SPOCK1: variants seen among roughly 807,000 people sequenced by gnomAD.
SPOCK1 encodes SPARC (osteonectin), cwcv and kazal like domains proteoglycan 1.
Under a neutral mutation model 55.3 loss-of-function variants are expected in SPOCK1, and 23 were observed. That is an observed-to-expected ratio of 0.42 (90% CI 0.30 to 0.59). The LOEUF is 0.59. Among genes scored for constraint, SPOCK1 ranks in the 20% least tolerant of loss-of-function variants. The pLI is 0.22. For missense variants in SPOCK1, 499 were observed against 552.5 expected, an observed-to-expected ratio of 0.90 and a Z score of 0.97; for synonymous variants, 226 against 221.0, an observed-to-expected ratio of 1.02 and a Z score of -0.20.
chr5:137,104,549 T>C (rs935326827), intron 5 of SPOCK1, among the ~76,000 whole-genome samples: 1 of 152,156 alleles, frequency 6.6e-6, no homozygotes, highest in African/African-American at 2.4e-5. Context: ...CTGTGGTCTG[T>C]TAGGAACCGG....
chr5:137,025,699 A>G (rs550523625), intron 6 of SPOCK1, among the ~76,000 whole-genome samples: 1 of 152,310 alleles, frequency 6.6e-6, no homozygotes, highest in African/African-American at 2.4e-5. Context: ...GGAAGGACAA[A>G]GAGATCAGGA....
chr5:136,980,795 A>G (rs1377700501), intron 9 of SPOCK1, among the ~76,000 whole-genome samples: 1 of 152,144 alleles, frequency 6.6e-6, no homozygotes, highest in Non-Finnish European at 1.5e-5. Context: ...GAAGTTCCTA[A>G]TTCATAAAAT....
intron 4 of SPOCK1, among the ~76,000 whole-genome samples, chr5:137,138,700 A>ACC: frequency 2.0e-5 from 1 of 50,868 alleles, no homozygotes; most frequent in Admixed American, 2.1e-4. Context: ...TTCAAATAAT[A>ACC]ACCCCCCCCC....
intron 2 of SPOCK1, among the ~76,000 whole-genome samples, chr5:137,291,573 A>G (rs776988903): frequency 1.1e-4 from 17 of 152,216 alleles, no homozygotes; most frequent in African/African-American, 3.6e-4. Flanking sequence ...GTTCACACCT[A>G]TAAGACTGCT....
chr5:137,362,218 G>A (rs1477562132), intron 2 of SPOCK1, among the ~76,000 whole-genome samples: 1 of 152,054 alleles, frequency 6.6e-6, no homozygotes, highest in Non-Finnish European at 1.5e-5. Flanking sequence ...TGCTTTAAAA[G>A]TGACTTATTT....
chr5:137,237,119 G>A (rs144826029), intron 3 of SPOCK1, among the ~76,000 whole-genome samples: 4 of 152,346 alleles, frequency 2.6e-5, no homozygotes, highest in Admixed American at 6.5e-5. Context: ...ATTCTGCACC[G>A]AAAGGGAAGG....
intron 2 of SPOCK1, among the ~76,000 whole-genome samples, chr5:137,424,724 G>A (rs112666287): frequency 2.0e-5 from 3 of 152,300 alleles, no homozygotes; most frequent in African/African-American, 7.2e-5. Context: ...ATTGTGCTAA[G>A]GGAAAGAAGC....
At chr5:137,456,340 ATG>A (rs1753368844) in intron 2 of SPOCK1, among the ~76,000 whole-genome samples, 1 of 152,128 alleles carries the variant, frequency 6.6e-6, no homozygotes, top group Non-Finnish European at 1.5e-5. Flanking sequence ...CCAATAACTC[ATG>A]TGTCATAATT....
chr5:137,332,148 C>T (rs1409803097), intron 2 of SPOCK1, among the ~76,000 whole-genome samples: 4 of 152,060 alleles, frequency 2.6e-5, no homozygotes, highest in Non-Finnish European at 5.9e-5. Flanking sequence ...ACTCCAACCT[C>T]CCCAGGCACC....
intron 3 of SPOCK1, among the ~76,000 whole-genome samples, chr5:137,262,295 T>C (rs186196351): frequency 2.2e-4 from 33 of 152,312 alleles, no homozygotes; most frequent in African/African-American, 7.5e-4. Context: ...ATTATTTGCA[T>C]TGAAGGTAAT....
intron 2 of SPOCK1, among the ~76,000 whole-genome samples, chr5:137,403,217 T>A (rs1480054687): frequency 6.6e-6 from 1 of 152,132 alleles, no homozygotes; most frequent in Non-Finnish European, 1.5e-5. Flanking sequence ...CCCTCACACC[T>A]CCAGTTGAGA....
intron 2 of SPOCK1, among the ~76,000 whole-genome samples, chr5:137,270,986 G>A (rs1474662827): frequency 6.7e-6 from 1 of 150,096 alleles, no homozygotes; most frequent in Non-Finnish European, 1.5e-5. Flanking sequence ...TGGACAAGAC[G>A]GAGCAAGACT....
chr5:137,055,758 C>T (rs1397247893), intron 6 of SPOCK1, among the ~76,000 whole-genome samples: 1 of 152,190 alleles, frequency 6.6e-6, no homozygotes, highest in East Asian at 1.9e-4. Flanking sequence ...ACCTTGAGCC[C>T]TTCTCTCTAG....
chr5:137,189,124 A>G (rs906260941), intron 3 of SPOCK1, among the ~76,000 whole-genome samples: 1 of 152,262 alleles, frequency 6.6e-6, no homozygotes, highest in Non-Finnish European at 1.5e-5. Context: ...CCATAACACA[A>G]AAGTGCAAGG....
intron 6 of SPOCK1, among the ~76,000 whole-genome samples, chr5:137,015,442 T>C (rs779529074): frequency 1.1e-4 from 16 of 152,192 alleles, no homozygotes; most frequent in Non-Finnish European, 1.8e-4. Flanking sequence ...AGAGCAAGAC[T>C]CTGTCTCAGA....
intron 2 of SPOCK1, among the ~76,000 whole-genome samples, chr5:137,484,368 G>A (rs1049493709): frequency 6.6e-6 from 1 of 152,184 alleles, no homozygotes; most frequent in Non-Finnish European, 1.5e-5. Flanking sequence ...CCCAGCTCTG[G>A]GTGAGCTGTG....
chr5:137,032,790 G>A (rs990252737), intron 6 of SPOCK1, among the ~76,000 whole-genome samples: 1 of 152,162 alleles, frequency 6.6e-6, no homozygotes, highest in Non-Finnish European at 1.5e-5. Flanking sequence ...TGTTCTTCAC[G>A]ATGAACTCAG....
At chr5:137,269,068 G>A (rs1268708613) in intron 2 of SPOCK1, among the ~76,000 whole-genome samples, 3 of 132,580 alleles carry the variant, frequency 2.3e-5, no homozygotes, top group Non-Finnish European at 4.9e-5. Flanking sequence ...CACTTTTTCA[G>A]GTTAACTATA....
intron 5 of SPOCK1, among the ~76,000 whole-genome samples, chr5:137,079,665 A>G (rs759150091): frequency 2.6e-5 from 4 of 152,126 alleles, no homozygotes; most frequent in Non-Finnish European, 5.9e-5. Flanking sequence ...TGCTTCTTCA[A>G]CAACACTGCT....
Sources: gnomAD v4.1 joint callset for allele counts (sites outside exome capture counted in the v4.1 genomes callset) on GRCh38, gnomAD v4.1.1 for gene constraint, MANE v1.5 for transcripts, NCBI Gene and HGNC (gene_info 2026-07-23, HGNC 2026-07-21) for gene names.